Variants in EPHB2 observed in about 807,000 individuals in gnomAD.
EPHB2 encodes EPH receptor B2.
EPHB2 carries 18 observed loss-of-function variants against 96.4 expected under a neutral mutation model. That is an observed-to-expected ratio of 0.19 (90% CI 0.13 to 0.28). The LOEUF (loss-of-function observed/expected upper bound fraction) is 0.28. Ranked by LOEUF, EPHB2 falls within the 10% of genes least tolerant of loss-of-function variation. The probability of loss-of-function intolerance (pLI) is 1.00; values close to 1 mark genes in which losing one functional copy is unlikely to be tolerated. For missense variants in EPHB2, 989 were observed against 1,355.4 expected, an observed-to-expected ratio of 0.73 and a Z score of 4.25; for synonymous variants, 506 against 534.1, an observed-to-expected ratio of 0.95 and a Z score of 0.72.
At chr1:22,782,190 T>G (rs1644542946) in intron 2 of EPHB2, among the ~76,000 whole-genome samples, 1 of 152,152 alleles carries the variant, frequency 6.6e-6, no homozygotes, top group African/African-American at 2.4e-5. Context: ...CTCTCTGAGC[T>G]TCAGTTTCTT....
chr1:22,759,915 G>A (rs1644211562), intron 1 of EPHB2, among the ~76,000 whole-genome samples: 1 of 152,166 alleles, frequency 6.6e-6, no homozygotes, highest in African/African-American at 2.4e-5. Context: ...GTGTGTCAGG[G>A]GAGGCGAGTG....
At chr1:22,768,006 G>A (rs1644329956) in intron 1 of EPHB2, among the ~76,000 whole-genome samples, 1 of 152,210 alleles carries the variant, frequency 6.6e-6, no homozygotes, top group African/African-American at 2.4e-5. Context: ...TGGCAAGAGA[G>A]CCCAGGGAGT....
chr1:22,722,393 G>A (rs754247805), intron 1 of EPHB2, among the ~76,000 whole-genome samples: 5 of 152,222 alleles, frequency 3.3e-5, no homozygotes, highest in Non-Finnish European at 5.9e-5. Flanking sequence ...TCACTGGCTG[G>A]CAGTTTACAA....
intron 3 of EPHB2, among the ~76,000 whole-genome samples, chr1:22,803,614 AT>A (rs1262322237): frequency 2.9e-5 from 4 of 140,204 alleles, no homozygotes; most frequent in African/African-American, 6.0e-5. Context: ...TCAAAAAAAA[AT>A]AATATATATA....
intron 1 of EPHB2, among the ~76,000 whole-genome samples, chr1:22,751,852 C>A (rs1347324703): frequency 6.6e-6 from 1 of 152,238 alleles, no homozygotes; most frequent in African/African-American, 2.4e-5. Flanking sequence ...CAGCTTTCTC[C>A]ATGAGGGTCC....
rs148738308 is a variant in EPHB2, at chr1:22,868,227, C to A, written c.1303+3015C>A. Among the ~76,000 whole-genome samples the A allele has an allele frequency of 2.3e-3, 351 of 152,180 alleles. 2 individuals are homozygous for A. The highest frequency in any genetic ancestry group is 8.2e-3 in the African/African-American group (340 of 41,518). ...GAGTAGAGATGGGGCGGAGTATGGA[C>A]GTGAGGGGTTTCCGGGGAATAGGCA... On this transcript the variant is annotated intron_variant, in intron 5 of 15. Coordinates refer to ENST00000374630, the MANE Select transcript of EPHB2 (RefSeq NM_017449.5).
chr1:22,802,773 T>C (rs567103265), intron 3 of EPHB2, among the ~76,000 whole-genome samples: 3 of 152,032 alleles, frequency 2.0e-5, no homozygotes, highest in Admixed American at 6.5e-5. Context: ...GGAAGCAGTA[T>C]CAGGTAGAAT....
chr1:22,780,236 G>T (rs543514614), intron 1 of EPHB2, among the ~76,000 whole-genome samples: 3 of 152,216 alleles, frequency 2.0e-5, no homozygotes, highest in African/African-American at 7.2e-5. Context: ...CCTGACCTGG[G>T]GAGAATGGGG....
intron 3 of EPHB2, among the ~76,000 whole-genome samples, chr1:22,839,088 T>C (rs1645427679): frequency 6.6e-6 from 1 of 152,162 alleles, no homozygotes; most frequent in Admixed American, 6.5e-5. Flanking sequence ...CAAAACAGCT[T>C]TCCCAGGATA....
rs1640141863 is a variant in EPHB2, at chr1:22,912,555, T to C, written c.2808T>C (p.Asn936=). 6 of 1,613,974 alleles carry C rather than the reference T, an allele frequency of 3.7e-6. No homozygotes were observed. Among genetic ancestry groups the C allele is most frequent in the African/African-American group, 1.3e-5 (1 of 74,898 alleles). ...GGCAGTACAAGGAGAGCTTCGCCAA[T>C]GCCGGCTTCACCTCCTTTGACGTCG... is the stretch of plus-strand genomic sequence containing the variant. ...KMGQYKESFA[N]AGFTSFDVVS... Residue 936 remains asparagine, a synonymous_variant, in exon 15 of 16, where the codon AAT becomes AAC. Transcript: ENST00000374630.
chr1:22,849,471 C>T (rs1282471265), intron 3 of EPHB2, among the ~76,000 whole-genome samples: 2 of 152,178 alleles, frequency 1.3e-5, no homozygotes, highest in Non-Finnish European at 1.5e-5. Context: ...CAGCACATAA[C>T]CAGAACCGAG....
chr1:22,781,928 C>CAGGG (rs921737269), intron 2 of EPHB2, among the ~76,000 whole-genome samples: 18 of 152,258 alleles, frequency 1.2e-4, no homozygotes, highest in African/African-American at 4.3e-4. Context: ...GCCACCTGCC[C>CAGGG]AGGGCCCTAT....
In EPHB2 at chr1:22,729,485, G is replaced by A. The variant is rs151222843; in HGVS notation, c.61+18442G>A. Among the ~76,000 whole-genome samples, 440 of 152,288 alleles carry A rather than the reference G, an allele frequency of 2.9e-3. 3 individuals are homozygous for A. Among genetic ancestry groups the A allele is most frequent in the African/African-American group, 0.01 (420 of 41,550 alleles). On this transcript the variant is annotated intron_variant, in intron 1 of 15. Coordinates refer to ENST00000374630, the MANE Select transcript of EPHB2 (RefSeq NM_017449.5). ...CTTCCTTGGCCCATAGGCCCTGTGC[G>A]GCCTGCTTCCTGCCTACTCTGCCTA...
chr1:22,755,225 G>A (rs753476818), intron 1 of EPHB2, among the ~76,000 whole-genome samples: 8 of 152,096 alleles, frequency 5.3e-5, no homozygotes, highest in Admixed American at 1.3e-4. Context: ...AGATGGCCCC[G>A]GTGAGAAAAC....
intron 1 of EPHB2, among the ~76,000 whole-genome samples, chr1:22,767,147 C>A (rs1023418260): frequency 1.3e-5 from 2 of 152,206 alleles, no homozygotes; most frequent in Non-Finnish European, 2.9e-5. Context: ...CACTTAGCAG[C>A]CCAGCATTGC....
chr1:22,838,380 C>T (rs959020244), intron 3 of EPHB2, among the ~76,000 whole-genome samples: 8 of 152,238 alleles, frequency 5.3e-5, no homozygotes, highest in African/African-American at 1.7e-4. Context: ...GGGCATAGGC[C>T]AGGAGTCAGA....
In EPHB2 at chr1:22,715,980, G is replaced by A. The variant is rs146858065; in HGVS notation, c.61+4937G>A. Among the ~76,000 whole-genome samples, 354 of 152,228 alleles carry A rather than the reference G, an allele frequency of 2.3e-3. 2 individuals carry two copies. The highest frequency in any genetic ancestry group is 8.2e-3 in the African/African-American group (339 of 41,526). On this transcript the variant is annotated intron_variant, in intron 1 of 15. Transcript: ENST00000374630. Reference sequence around the variant, plus strand: ...CTAAGGTCCTTCCCTCAATGATGGCGACGTGGCCCCCTTTTTGGCATTTAA... The same window carrying A: ...CTAAGGTCCTTCCCTCAATGATGGCAACGTGGCCCCCTTTTTGGCATTTAA...
intron 1 of EPHB2, among the ~76,000 whole-genome samples, chr1:22,749,443 C>T (rs1274360285): frequency 6.6e-6 from 1 of 152,206 alleles, no homozygotes; most frequent in Non-Finnish European, 1.5e-5. Context: ...CACTGCCTCA[C>T]CCAGGTCTGG....
At chr1:22,770,034 A>G (rs1644356906) in intron 1 of EPHB2, among the ~76,000 whole-genome samples, 1 of 152,154 alleles carries the variant, frequency 6.6e-6, no homozygotes, top group African/African-American at 2.4e-5. Flanking sequence ...GGAAGGCAAG[A>G]TGGCAGAATG....
Sources: allele counts gnomAD v4.1 joint callset (sites outside exome capture counted in the v4.1 genomes callset), GRCh38; gene constraint gnomAD v4.1.1; transcripts MANE v1.5; gene names NCBI Gene and HGNC (gene_info 2026-07-23, HGNC 2026-07-21).